Variants in SH3GL2 observed in about 807,000 individuals in gnomAD.
SH3GL2 encodes the protein endophilin-A1.
SH3GL2 carries 24 observed loss-of-function variants against 46.0 expected under a neutral mutation model. That is an observed-to-expected ratio of 0.52 (90% CI 0.38 to 0.73). The LOEUF is 0.73. SH3GL2 is among the 30% of genes least tolerant of loss of function. The pLI, the probability that SH3GL2 is intolerant of heterozygous loss-of-function variation, is 0.00. For missense variants in SH3GL2, 413 were observed against 424.2 expected, an observed-to-expected ratio of 0.97 and a Z score of 0.23; for synonymous variants, 196 against 147.1, an observed-to-expected ratio of 1.33 and a Z score of -2.40.
At chr9:17,701,303 A>G (rs12335802) in intron 1 of SH3GL2, among the ~76,000 whole-genome samples, 1,928 of 152,308 alleles carry the variant, frequency 0.013, 58 homozygotes, top group African/African-American at 0.044. Context: ...GTTTTCATTC[A>G]TAGCAAAAGT....
chr9:17,654,271 C>T (rs1820020727), intron 1 of SH3GL2, among the ~76,000 whole-genome samples: 1 of 152,178 alleles, frequency 6.6e-6, no homozygotes, highest in Non-Finnish European at 1.5e-5. Flanking sequence ...ATGTATCATT[C>T]ATAATATCGC....
At chr9:17,594,136 G>A (rs1460694955) in intron 1 of SH3GL2, among the ~76,000 whole-genome samples, 1 of 152,132 alleles carries the variant, frequency 6.6e-6, no homozygotes, top group Non-Finnish European at 1.5e-5. Flanking sequence ...TGGCTCCCAG[G>A]ATAGGTCCCT....
intron 7 of SH3GL2, among the ~76,000 whole-genome samples, 155 bp from the exon 8 acceptor site, chr9:17,793,212 C>T (rs1182793305): frequency 6.6e-6 from 1 of 152,230 alleles, no homozygotes; most frequent in Non-Finnish European, 1.5e-5. Flanking sequence ...CAGACATATA[C>T]ATACAAGAAA....
At chr9:17,699,266 AT>A (rs1821286230) in intron 1 of SH3GL2, among the ~76,000 whole-genome samples, 2 of 150,924 alleles carry the variant, frequency 1.3e-5, no homozygotes, top group African/African-American at 4.8e-5. Context: ...ACTGTCAGTC[AT>A]TTGGTAAAGA....
chr9:17,783,163 A>C (rs1457253779), intron 3 of SH3GL2, among the ~76,000 whole-genome samples: 1 of 152,056 alleles, frequency 6.6e-6, no homozygotes, highest in Non-Finnish European at 1.5e-5. Flanking sequence ...AGTCTTACAA[A>C]TGAGAGATTT....
intron 1 of SH3GL2, among the ~76,000 whole-genome samples, chr9:17,632,709 C>T (rs1819459695): frequency 6.6e-6 from 1 of 151,962 alleles, no homozygotes; most frequent in Admixed American, 6.6e-5. Flanking sequence ...AGTTTTTGTT[C>T]TTGTAACCAA....
At chr9:17,745,660 G>C (rs540440135) in intron 1 of SH3GL2, among the ~76,000 whole-genome samples, 1 of 146,608 alleles carries the variant, frequency 6.8e-6, no homozygotes, top group Admixed American at 6.8e-5. Context: ...GTGAAGGACA[G>C]ATAGAGGGGG....
At position 17,611,558 on chromosome 9, in the gene SH3GL2, A is replaced by G. The variant is rs1818867875; in HGVS notation, c.45+32271A>G. 2.6e-5 allele frequency among the ~76,000 whole-genome samples: 4 copies of G among 152,318 alleles called. No homozygotes were observed. In the South Asian group the frequency reaches 8.3e-4, roughly 32 times the overall value. On this transcript the variant is annotated intron_variant, in intron 1 of 8. Coordinates refer to ENST00000380607, the MANE Select transcript of SH3GL2 (RefSeq NM_003026.5). Reference sequence around the variant, plus strand: ...TGTGTGTGACCTGTATATGGGATGTATCTGAGACTCTGTGACTGGTAACTG... The same window carrying G: ...TGTGTGTGACCTGTATATGGGATGTGTCTGAGACTCTGTGACTGGTAACTG...
At chr9:17,646,311 G>T (rs1819816000) in intron 1 of SH3GL2, among the ~76,000 whole-genome samples, 1 of 151,934 alleles carries the variant, frequency 6.6e-6, no homozygotes, top group African/African-American at 2.4e-5. Flanking sequence ...CTTGCATTGG[G>T]TTAGGACATG....
rs572574901 is a variant in SH3GL2, at chr9:17,770,408, A to C, written c.187+8899A>C. ...TCAAAAAAAAATGTCTTATGCTACAAAGTCTTAAACTACAAAGATACCTCC... is the reference window on the plus strand; with the variant it reads ...TCAAAAAAAAATGTCTTATGCTACACAGTCTTAAACTACAAAGATACCTCC... On this transcript the variant is annotated intron_variant, in intron 3 of 8. Coordinates refer to ENST00000380607, the MANE Select transcript of SH3GL2 (RefSeq NM_003026.5). Among the ~76,000 whole-genome samples the C allele has an allele frequency of 3.3e-5, 5 of 152,292 alleles. No homozygotes were observed. In the East Asian group the frequency reaches 5.8e-4, roughly 18 times the overall value.
At chr9:17,722,523 A>G in intron 1 of SH3GL2, among the ~76,000 whole-genome samples, 1 of 151,294 alleles carries the variant, frequency 6.6e-6, no homozygotes, top group East Asian at 2.0e-4. Flanking sequence ...TTATTTTTTT[A>G]TTTTATTTTA....
intron 1 of SH3GL2, among the ~76,000 whole-genome samples, chr9:17,665,840 C>T (rs138307243): frequency 0.012 from 1,768 of 149,838 alleles, 35 homozygotes; most frequent in African/African-American, 0.041. Context: ...GGGGAAAATA[C>T]ACACAAATAA....
intron 1 of SH3GL2, among the ~76,000 whole-genome samples, chr9:17,689,418 T>G (rs956638127): frequency 6.6e-6 from 1 of 152,024 alleles, no homozygotes; most frequent in Non-Finnish European, 1.5e-5. Flanking sequence ...TAATAATATA[T>G]CAATATTGAC....
chr9:17,676,886 T>A lies in SH3GL2; in HGVS notation c.46-70180T>A, dbSNP rs553634092. 3.3e-5 allele frequency among the ~76,000 whole-genome samples: 5 copies of A among 152,306 alleles called. No individual in the cohort carries two copies. In the South Asian group the frequency reaches 1.0e-3, roughly 32 times the overall value. ...TTATCTTTTTATATTATTTTTCTCT[T>A]CTCCATAATACTGCTTTCTACCCTC... On this transcript the variant is annotated intron_variant, in intron 1 of 8. Transcript: ENST00000380607.
At chr9:17,693,429 A>G (rs1159373370) in intron 1 of SH3GL2, among the ~76,000 whole-genome samples, 1 of 152,122 alleles carries the variant, frequency 6.6e-6, no homozygotes, top group Non-Finnish European at 1.5e-5. Context: ...AGGAGTTGCC[A>G]TTACTTCTGT....
intron 1 of SH3GL2, among the ~76,000 whole-genome samples, chr9:17,729,990 C>A (rs146842608): frequency 0.029 from 4,334 of 151,926 alleles, 199 homozygotes; most frequent in African/African-American, 0.1. Context: ...TTTTCTAATT[C>A]TGTGAAGAAA....
chr9:17,668,680 A>G (rs1379562216), intron 1 of SH3GL2, among the ~76,000 whole-genome samples: 1 of 151,986 alleles, frequency 6.6e-6, no homozygotes, highest in African/African-American at 2.4e-5. Context: ...CTTTAGAAGC[A>G]GGGTCTCATT....
chr9:17,785,139 A>C (rs1292512752), intron 3 of SH3GL2, among the ~76,000 whole-genome samples: 2 of 152,158 alleles, frequency 1.3e-5, no homozygotes, highest in Non-Finnish European at 2.9e-5. Context: ...ACTGCTACAT[A>C]CTGTTTGGAT....
intron 1 of SH3GL2, among the ~76,000 whole-genome samples, chr9:17,664,659 T>C (rs1431600517): frequency 6.6e-6 from 1 of 151,686 alleles, no homozygotes. Context: ...CTATATGATG[T>C]ATTTCTATAA....
Sources: allele counts gnomAD v4.1 joint callset (sites outside exome capture counted in the v4.1 genomes callset), GRCh38; gene constraint gnomAD v4.1.1; transcripts MANE v1.5; gene names NCBI Gene and HGNC (gene_info 2026-07-23, HGNC 2026-07-21).